Variants in AOX1 observed in about 807,000 individuals in gnomAD.
The protein encoded by AOX1 is aldehyde oxidase 1.
Under a neutral mutation model 169.5 loss-of-function variants are expected in AOX1, and 153 were observed. The observed-to-expected ratio is 0.90, with a 90% CI of 0.79 to 1.03. The LOEUF (loss-of-function observed/expected upper bound fraction) is 1.03. Among genes scored for constraint, AOX1 ranks in the 50% least tolerant of loss-of-function variants. The pLI is 0.00. For missense variants in AOX1, 1,656 were observed against 1,663.9 expected (o/e 1.00, Z 0.08); for synonymous variants, 562 against 581.9 (o/e 0.97, Z 0.49).
chr2:200,621,002 C>A, intron 17 of AOX1, 118 bp from the exon 18 acceptor site: 1 of 1,386,656 alleles, frequency 7.2e-7, no homozygotes, highest in Non-Finnish European at 9.8e-7. Context: ...AATTTTTTCC[C>A]AATTGTCTGG....
At chr2:200,587,845 G>A (rs1206439538) in intron 1 of AOX1, among the ~76,000 whole-genome samples, 1 of 152,116 alleles carries the variant, frequency 6.6e-6, no homozygotes, top group African/African-American at 2.4e-5. Context: ...TAACCTCTCA[G>A]AGGCCCAGTT....
chr2:200,603,476 C>T (rs2105697998), intron 7 of AOX1, 120 bp downstream of exon 7: 2 of 669,242 alleles, frequency 3.0e-6, no homozygotes, highest in Non-Finnish European at 5.1e-6. Flanking sequence ...AACATGTGCC[C>T]TCTCCCATTC....
At chr2:200,617,539 T>C (rs2034789082) in intron 16 of AOX1, among the ~76,000 whole-genome samples, 2 of 147,806 alleles carry the variant, frequency 1.4e-5, no homozygotes, top group African/African-American at 5.0e-5. Context: ...GACAAAGACA[T>C]TTTTTGGAAT....
At chr2:200,609,520 T>G in intron 12 of AOX1, 106 bp downstream of exon 12, 1 of 871,494 alleles carries the variant, frequency 1.1e-6, no homozygotes, top group South Asian at 1.5e-5. Flanking sequence ...CCCTATAATA[T>G]CAATACATTT....
intron 16 of AOX1, among the ~76,000 whole-genome samples, chr2:200,619,222 C>G (rs1036225565): frequency 6.6e-6 from 1 of 152,162 alleles, no homozygotes; most frequent in African/African-American, 2.4e-5. Flanking sequence ...CTCTTCCCTC[C>G]TGCCATATGA....
chr2:200,604,616 T>A lies in AOX1; in HGVS notation c.670-80T>A, dbSNP rs2034477135. Reference sequence around the variant, plus strand: ...AAGATATGTATTTTCTCATTCTGTATCTACAGTGCTAATGATTGAGTGGAA... The same window carrying A: ...AAGATATGTATTTTCTCATTCTGTAACTACAGTGCTAATGATTGAGTGGAA... On this transcript the variant is annotated intron_variant, in intron 8 of 34. Transcript: ENST00000374700. 5 of 1,416,990 alleles carry A rather than the reference T, an allele frequency of 3.5e-6. No individual in the cohort carries two copies. In the Admixed American group the frequency reaches 7.0e-5, roughly 20 times the overall value. The allele number at this position is 1,416,990 out of a possible 1,614,324, so 87.8% of individuals were successfully genotyped here. A position where few individuals can be genotyped will look rare whatever the true frequency, so the allele number is the denominator to read the frequency against.
chr2:200,642,798 G>C lies in AOX1; in HGVS notation c.2844G>C (p.Glu948Asp). Residue 948 changes from glutamate to aspartate, a missense_variant, in exon 25 of 35, where the codon GAG becomes GAC. Glu to Asp is a conservative substitution (Grantham distance 45). Coordinates refer to ENST00000374700, the MANE Select transcript of AOX1 (RefSeq NM_001159.4). ...CAGCCAAATGTGGACTATCCCCTGA[G>C]AAGGTAATACTAAATCAGCTTCACA... Reference protein sequence around the residue: ...EVAAKCGLSPEKVRIINMYKE... With the variant: ...EVAAKCGLSPDKVRIINMYKE... The C allele has an allele frequency of 6.2e-7, 1 of 1,612,538 alleles. No individual in the cohort carries two copies. The highest frequency in any genetic ancestry group is 8.5e-7 in the Non-Finnish European group (1 of 1,179,232).
downstream of AOX1, among the ~76,000 whole-genome samples, chr2:200,674,224 G>C (rs931210392): frequency 6.6e-6 from 1 of 152,230 alleles, no homozygotes; most frequent in Non-Finnish European, 1.5e-5. Context: ...GTTCACAAGA[G>C]GGTTGGCTCC....
At chr2:200,634,953 G>T (rs751064046) in intron 21 of AOX1, 38 bp downstream of exon 21, 1 of 1,605,296 alleles carries the variant, frequency 6.2e-7, no homozygotes, top group Admixed American at 1.7e-5. Context: ...ATGGCTAAAT[G>T]ATTTCTGGCC....
intron 25 of AOX1, among the ~76,000 whole-genome samples, chr2:200,648,454 T>C (rs577903845): frequency 6.6e-6 from 1 of 152,324 alleles, no homozygotes; most frequent in Admixed American, 6.5e-5. Context: ...TCTATGGGTC[T>C]CTCAGCTATG....
chr2:200,657,191 T>TATATATATATATATATATATATA (rs1491522418), intron 27 of AOX1, among the ~76,000 whole-genome samples: 5 of 45,488 alleles, frequency 1.1e-4, no homozygotes, highest in Non-Finnish European at 2.1e-4. Flanking sequence ...TATATATATA[T>TATATATATATATATATATATATA]TTTTTTTTTT....
chr2:200,666,564 C>A, intron 31 of AOX1, 123 bp from the exon 32 acceptor site: 1 of 496,150 alleles, frequency 2.0e-6, no homozygotes, highest in Non-Finnish European at 3.4e-6. Flanking sequence ...TTGCTTCTTT[C>A]GAAATGACAT....
chr2:200,610,830 A>G (rs954722493), intron 12 of AOX1, among the ~76,000 whole-genome samples: 3 of 152,262 alleles, frequency 2.0e-5, no homozygotes, highest in African/African-American at 7.2e-5. Flanking sequence ...AGATCTTTTC[A>G]TCTATTTTTT....
At chr2:200,612,897 C>A in intron 14 of AOX1, 104 bp downstream of exon 14, 1 of 842,898 alleles carries the variant, frequency 1.2e-6, no homozygotes, top group South Asian at 1.9e-5. Flanking sequence ...GAAAAGTGTT[C>A]CATACCTTTC....
At chr2:200,618,153 C>G (rs557547757) in intron 16 of AOX1, among the ~76,000 whole-genome samples, 4 of 152,120 alleles carry the variant, frequency 2.6e-5, no homozygotes, top group Non-Finnish European at 5.9e-5. Flanking sequence ...GAATGGAGCC[C>G]TGGGCCAAGG....
intron 1 of AOX1, 52 bp downstream of exon 1, chr2:200,586,205 C>A: frequency 6.7e-7 from 1 of 1,499,394 alleles, no homozygotes; most frequent in Non-Finnish European, 8.9e-7. Flanking sequence ...AGGGCCGGGG[C>A]AGAGAGGAGC....
intron 1 of AOX1, chr2:200,588,364 G>A (rs1242448629): frequency 2.0e-5 from 3 of 152,278 alleles, no homozygotes; most frequent in African/African-American, 7.2e-5. Context: ...GTGATGGTAA[G>A]GGTTTGGGTT....
At chr2:200,637,627 A>G (rs1032913234) in intron 22 of AOX1, among the ~76,000 whole-genome samples, 22 of 152,082 alleles carry the variant, frequency 1.4e-4, no homozygotes, top group African/African-American at 5.3e-4. Flanking sequence ...ATATATGTAT[A>G]TGTGTGTATA....
intron 30 of AOX1, among the ~76,000 whole-genome samples, chr2:200,662,534 G>A (rs1160367412): frequency 1.3e-5 from 2 of 152,112 alleles, no homozygotes; most frequent in Non-Finnish European, 2.9e-5. Context: ...TAAAATGAAG[G>A]TTGAGTTCCC....
Sources: gnomAD v4.1 joint callset for allele counts (sites outside exome capture counted in the v4.1 genomes callset) on GRCh38, gnomAD v4.1.1 for gene constraint, MANE v1.5 for transcripts, NCBI Gene and HGNC (gene_info 2026-07-23, HGNC 2026-07-21) for gene names.